Variants in USP22 observed in about 807,000 individuals in gnomAD.
USP22 encodes ubiquitin specific peptidase 22.
A neutral mutation model predicts 68.1 loss-of-function variants in USP22; 22 were observed. The ratio of observed to expected loss-of-function variants is 0.32; its 90% confidence interval spans 0.23 to 0.46. The LOEUF (loss-of-function observed/expected upper bound fraction) is 0.46, where lower values mean the gene tolerates loss of function less well. Ranked by LOEUF, USP22 falls within the 20% of genes least tolerant of loss-of-function variation. USP22 has a pLI of 1.00. For missense variants in USP22, 433 were observed against 695.8 expected, an observed-to-expected ratio of 0.62 and a Z score of 4.25; for synonymous variants, 279 against 274.2, an observed-to-expected ratio of 1.02 and a Z score of -0.17.
At position 21,002,893 on chromosome 17, in the gene USP22, G is replaced by A. The variant is rs1324635495; in HGVS notation, c.*138C>T. On this transcript the variant is annotated 3_prime_UTR_variant, in exon 13 of 13. Coordinates refer to ENST00000261497, the MANE Select transcript of USP22 (RefSeq NM_015276.2). ...ACCCGATGGGTCCCAGGTGCAGAGG[G>A]GCCACATCTGCATGGGAGGTGGTGT... 8.7e-6 allele frequency: 9 copies of A among 1,031,596 alleles called. No individual in the cohort carries two copies. Among genetic ancestry groups the A allele is most frequent in the South Asian group, 7.0e-5 (5 of 71,686 alleles). The allele number at this position is 1,031,596 out of a possible 1,614,324, so 63.9% of individuals were successfully genotyped here.
chr17:21,013,002 AG>A, intron 6 of USP22, 67 bp from the exon 7 acceptor site: 2 of 1,510,416 alleles, frequency 1.3e-6, no homozygotes, highest in South Asian at 2.3e-5. Flanking sequence ...AGGGAAGAGC[AG>A]TTCACCCTGC....
chr17:21,039,204 G>A (rs1597703208), intron 1 of USP22, among the ~76,000 whole-genome samples: 1 of 151,972 alleles, frequency 6.6e-6, no homozygotes, highest in South Asian at 2.1e-4. Context: ...GCCCGCCTCG[G>A]CCTCCCAACG....
chr17:21,032,665 CG>C (rs1567592779), intron 1 of USP22, among the ~76,000 whole-genome samples: 1 of 152,086 alleles, frequency 6.6e-6, no homozygotes, highest in African/African-American at 2.4e-5. Context: ...CACAGCCAGG[CG>C]TGTTGGCTCA....
intron 2 of USP22, among the ~76,000 whole-genome samples, chr17:21,022,470 T>G (rs1308920083): frequency 6.6e-6 from 1 of 152,170 alleles, no homozygotes; most frequent in Non-Finnish European, 1.5e-5. Flanking sequence ...TCTGAGTGCC[T>G]GAAAAAAGGT....
chr17:21,004,160 C>T (rs748419146), intron 12 of USP22, 42 bp downstream of exon 12: 20 of 1,602,678 alleles, frequency 1.2e-5, no homozygotes, highest in Non-Finnish European at 1.5e-5. Flanking sequence ...GGGGAAGCAC[C>T]GTAGCCACCG....
At chr17:21,015,636 A>G in intron 6 of USP22, 116 bp downstream of exon 6, 1 of 1,367,068 alleles carries the variant, frequency 7.3e-7, no homozygotes, top group Non-Finnish European at 9.7e-7. Context: ...TGATGACAAA[A>G]CAATGGAATG....
chr17:21,028,761 G>A (rs1252967718), intron 1 of USP22, 87 bp from the exon 2 acceptor site: 1 of 1,476,788 alleles, frequency 6.8e-7, no homozygotes, highest in Non-Finnish European at 9.1e-7. Context: ...ATCCCCCCGA[G>A]ACAGCTACTG....
Position 21,004,360 on chromosome 17 carries a change from G to C in USP22, c.1386-9C>G, listed in dbSNP as rs75324821. On this transcript the variant is annotated splice_polypyrimidine_tract_variant and intron_variant, in intron 11 of 12. Transcript: ENST00000261497. ...CAGCAAACAGGGAATACCTAGTGCA[G>C]GAGCAAAGGAGAGGGAGGGCGCAGG... is the stretch of plus-strand genomic sequence containing the variant. 2.5e-6 allele frequency: 4 copies of C among 1,613,170 alleles called. No individual in the cohort carries two copies. In the South Asian group the frequency reaches 3.3e-5, roughly 13 times the overall value.
In USP22 at chr17:21,013,027, AGCCAGG is replaced by A. The variant is rs1004338373; in HGVS notation, c.839-98_839-93del. The A allele has an allele frequency of 9.0e-6, 11 of 1,216,060 alleles. No homozygotes were observed. In the African/African-American group the frequency reaches 1.7e-4, roughly 18 times the overall value. The allele number at this position is 1,216,060 out of a possible 1,614,324, so 75.3% of individuals were successfully genotyped here. On this transcript the variant is annotated intron_variant, in intron 6 of 12. Transcript: ENST00000261497. ...AGTTCACCCTGCAGAAGCCTGGGGG[AGCCAGG>A]GCCAACGCTTTAAAAGGCCATGTGA...
chr17:21,041,941 C>T (rs1433753839), intron 1 of USP22, among the ~76,000 whole-genome samples: 1 of 152,180 alleles, frequency 6.6e-6, no homozygotes, highest in African/African-American at 2.4e-5. Flanking sequence ...GCTGTGGCTC[C>T]GCACCCACAG....
intron 8 of USP22, 104 bp from the exon 9 acceptor site, chr17:21,008,100 CA>C: frequency 1.5e-6 from 2 of 1,327,940 alleles, no homozygotes; most frequent in South Asian, 1.5e-5. Flanking sequence ...ATTTCCCTAC[CA>C]AAAACATACA....
At position 21,028,524 on chromosome 17, in the gene USP22, C is replaced by T. The variant is rs775251006; in HGVS notation, c.304+18G>A. The T allele has an allele frequency of 1.2e-6, 2 of 1,613,004 alleles. No individual in the cohort carries two copies. The highest frequency in any genetic ancestry group is 3.3e-5 in the Admixed American group (2 of 59,936). On this transcript the variant is annotated intron_variant, in intron 2 of 12. Coordinates refer to ENST00000261497, the MANE Select transcript of USP22 (RefSeq NM_015276.2). ...TTGGGGGCCACAACTATCCCCCCAT[C>T]CCAGAAGCTCGCCTCACCCAGGTTG... is the stretch of plus-strand genomic sequence containing the variant.
intron 8 of USP22, 98 bp downstream of exon 8, chr17:21,011,053 C>G (rs1246785501): frequency 1.4e-6 from 2 of 1,444,582 alleles, no homozygotes; most frequent in African/African-American, 2.9e-5. Flanking sequence ...TGCCCAGGCT[C>G]TGTCCTGGGC....
At chr17:21,040,887 C>T (rs1218480070) in intron 1 of USP22, among the ~76,000 whole-genome samples, 16 of 142,890 alleles carry the variant, frequency 1.1e-4, no homozygotes, top group African/African-American at 3.4e-4. Context: ...CCAGGCCACC[C>T]TTTTTTTTTT....
chr17:20,999,972 C>T lies in USP22; in HGVS notation c.*3059G>A. Reference sequence around the variant, plus strand: ...GGAGGGAGCCAAGGTCCACAGAGGGCCCCGGGGCCAGAGGGAGGCCGCCCA... The same window carrying T: ...GGAGGGAGCCAAGGTCCACAGAGGGTCCCGGGGCCAGAGGGAGGCCGCCCA... On this transcript the variant is annotated 3_prime_UTR_variant, in exon 13 of 13. Coordinates refer to ENST00000261497, the MANE Select transcript of USP22 (RefSeq NM_015276.2). 6.6e-6 allele frequency: 1 copy of T among 152,428 alleles called. No homozygotes were observed. Among genetic ancestry groups the T allele is most frequent in the Non-Finnish European group, 1.5e-5 (1 of 68,170 alleles). 9.4% of individuals were successfully genotyped at this position (152,428 alleles called of 1,614,324 possible). A position where few individuals can be genotyped will look rare whatever the true frequency, so the allele number is the denominator to read the frequency against.
upstream of USP22, chr17:21,043,048 G>C: frequency 3.9e-6 from 1 of 256,212 alleles, no homozygotes. Flanking sequence ...GCTGCGGACC[G>C]CCTGCGCTGC....
Position 21,004,940 on chromosome 17 carries a change from T to G in USP22, c.1373A>C (p.Asn458Thr). ...GQYQQPTDSLNNDNKYSLFAV... is the reference protein window; with the variant it reads ...GQYQQPTDSLTNDNKYSLFAV... ...AAGCACCACTTACTTGTTGTCATTG[T>G]TGAGACTGTCCGTGGGCTGCTGGTA... Residue 458 changes from asparagine to threonine, a missense_variant, in exon 11 of 13, where the codon AAC becomes ACC. Physicochemically the swap from Asn to Thr is moderately conservative, Grantham distance 65. Around this residue, in one of 4 missense-constraint regions of USP22, gnomAD observed 178 missense variants for 351.5 expected, o/e 0.51. Transcript: ENST00000261497. The G allele has an allele frequency of 6.2e-7, 1 of 1,614,242 alleles. No homozygotes were observed. Among genetic ancestry groups the G allele is most frequent in the Non-Finnish European group, 8.5e-7 (1 of 1,180,040 alleles).
At chr17:21,027,660 A>G (rs1205845903) in intron 2 of USP22, among the ~76,000 whole-genome samples, 4 of 152,196 alleles carry the variant, frequency 2.6e-5, no homozygotes, top group Non-Finnish European at 5.9e-5. Context: ...GAAACAGTTA[A>G]TGCACGAAGT....
At chr17:21,043,062 C>T (rs1196331524), upstream of USP22, 2 of 227,610 alleles carry the variant, frequency 8.8e-6, no homozygotes, top group Non-Finnish European at 1.7e-5. Flanking sequence ...GCGCTGCGCT[C>T]TCGCGGTTCG....
Sources: gnomAD v4.1 joint callset for allele counts (sites outside exome capture counted in the v4.1 genomes callset) on GRCh38, gnomAD v4.1.1 for gene constraint, gnomAD v4.1.1 regional missense constraint, MANE v1.5 for transcripts, NCBI Gene and HGNC (gene_info 2026-07-23, HGNC 2026-07-21) for gene names.